The following AMDHD1 variants were observed in gnomAD, a reference collection of about 807,000 sequenced individuals.
AMDHD1 encodes the protein probable imidazolonepropionase.
Under a neutral mutation model 44.1 loss-of-function variants are expected in AMDHD1, and 45 were observed. The ratio of observed to expected loss-of-function variants is 1.02; its 90% confidence interval spans 0.80 to 1.31. The LOEUF (loss-of-function observed/expected upper bound fraction) is 1.31, where lower values mean the gene tolerates loss of function less well. Ranked by LOEUF, AMDHD1 falls within the 50% of genes most tolerant of loss-of-function variation. AMDHD1 has a pLI of 0.00. For missense variants in AMDHD1, 586 were observed against 552.1 expected (o/e 1.06, Z -0.61); for synonymous variants, 206 against 205.0 (o/e 1.00, Z -0.04).
chr12:95,966,643 A>G, intron 8 of AMDHD1, 135 bp downstream of exon 8: 1 of 1,155,772 alleles, frequency 8.7e-7, no homozygotes. Flanking sequence ...CTCTATCTTG[A>G]TCCCTTTCCA....
intron 6 of AMDHD1, among the ~76,000 whole-genome samples, chr12:95,962,942 G>A (rs1200461873): frequency 6.6e-6 from 1 of 152,080 alleles, no homozygotes; most frequent in African/African-American, 2.4e-5. Flanking sequence ...AAATCCTGGG[G>A]GTGGGAGGAA....
intron 1 of AMDHD1, 145 bp from the exon 2 acceptor site, chr12:95,952,572 C>A (rs2080529889): frequency 3.4e-6 from 2 of 580,422 alleles, no homozygotes; most frequent in Non-Finnish European, 3.0e-6. Context: ...GCTAGAGACG[C>A]TTTTCCAGAC....
In AMDHD1 at chr12:95,954,977, T is replaced by G; in HGVS notation, c.309+2T>G. The G allele has an allele frequency of 6.2e-7, 1 of 1,613,966 alleles. No homozygotes were observed. The highest frequency in any genetic ancestry group is 1.1e-5 in the South Asian group (1 of 91,066). On this transcript the variant is annotated splice_donor_variant, in intron 3 of 8. Coordinates refer to ENST00000266736, the MANE Select transcript of AMDHD1 (RefSeq NM_152435.3). LOFTEE classifies it high-confidence loss of function. ...AGAGTTCACGAATTTGCAATGAAGGTAACTGCAACAAATCATGGCAAATCA... is the reference window on the plus strand; with the variant it reads ...AGAGTTCACGAATTTGCAATGAAGGGAACTGCAACAAATCATGGCAAATCA...
chr12:95,945,186 A>G (rs1368979067), intron 1 of AMDHD1, among the ~76,000 whole-genome samples: 1 of 152,174 alleles, frequency 6.6e-6, no homozygotes, highest in Non-Finnish European at 1.5e-5. Flanking sequence ...ACCAACATGA[A>G]GTCCTGGGTT....
At chr12:95,964,928 CAAAAAAAAAA>C (rs60076877) in intron 6 of AMDHD1, among the ~76,000 whole-genome samples, 9 of 35,830 alleles carry the variant, frequency 2.5e-4, no homozygotes, top group South Asian at 1.4e-3. Flanking sequence ...ATGTTTGAGG[CAAAAAAAAAA>C]AAAAAAAAAA....
rs778040380 is a variant in AMDHD1, at chr12:95,956,974, C to T, written c.587+12C>T. 3 of 1,611,472 alleles carry T rather than the reference C, an allele frequency of 1.9e-6. No individual in the cohort carries two copies. Among genetic ancestry groups the T allele is most frequent in the East Asian group, 2.2e-5 (1 of 44,876 alleles). ...CATTCAGTGCCTAAGTAATCTCAGCCAGTGGGGGCCCGGGTTTAACTCAGA... is the reference window on the plus strand; with the variant it reads ...CATTCAGTGCCTAAGTAATCTCAGCTAGTGGGGGCCCGGGTTTAACTCAGA... On this transcript the variant is annotated intron_variant, in intron 4 of 8. Coordinates refer to ENST00000266736, the MANE Select transcript of AMDHD1 (RefSeq NM_152435.3).
At chr12:95,954,335 T>G (rs1198080346) in intron 2 of AMDHD1, among the ~76,000 whole-genome samples, 1 of 152,052 alleles carries the variant, frequency 6.6e-6, no homozygotes, top group Admixed American at 6.6e-5. Context: ...TTTGGGAGGC[T>G]GAGTCAGGCA....
At chr12:95,944,613 C>T (rs1264820930) in intron 1 of AMDHD1, among the ~76,000 whole-genome samples, 1 of 152,002 alleles carries the variant, frequency 6.6e-6, no homozygotes, top group Non-Finnish European at 1.5e-5. Flanking sequence ...GACAATGTCT[C>T]ACTGTGTTGC....
At chr12:95,944,547 G>A (rs956405889) in intron 1 of AMDHD1, among the ~76,000 whole-genome samples, 11 of 151,668 alleles carry the variant, frequency 7.3e-5, no homozygotes, top group African/African-American at 1.2e-4. Flanking sequence ...TTGACAAGCA[G>A]CTGGGACTAC....
chr12:95,959,259 T>C (rs759151240), intron 4 of AMDHD1, among the ~76,000 whole-genome samples: 2 of 152,152 alleles, frequency 1.3e-5, no homozygotes, highest in Non-Finnish European at 2.9e-5. Flanking sequence ...TGGATTCCCA[T>C]TGGTAAAGCC....
At chr12:95,963,729 GA>G (rs1173915368) in intron 6 of AMDHD1, among the ~76,000 whole-genome samples, 2 of 151,548 alleles carry the variant, frequency 1.3e-5, no homozygotes, top group African/African-American at 4.8e-5. Context: ...TATTTTTTTG[GA>G]AAGAAAAGGC....
intron 1 of AMDHD1, among the ~76,000 whole-genome samples, chr12:95,951,381 TC>T (rs1247783340): frequency 6.6e-6 from 1 of 152,184 alleles, no homozygotes; most frequent in Admixed American, 6.5e-5. Context: ...TAACATAATG[TC>T]CTCCAGTTCT....
chr12:95,951,385 C>T (rs2080525246), intron 1 of AMDHD1, among the ~76,000 whole-genome samples: 1 of 152,194 alleles, frequency 6.6e-6, no homozygotes, highest in East Asian at 1.9e-4. Context: ...ATAATGTCCT[C>T]CAGTTCTATC....
Position 95,960,621 on chromosome 12 carries a change from G to T in AMDHD1, c.811G>T (p.Glu271Ter). 2 of 1,612,340 alleles carry T rather than the reference G, an allele frequency of 1.2e-6. No homozygotes were observed. The highest frequency in any genetic ancestry group is 1.7e-6 in the Non-Finnish European group (2 of 1,178,690). ...GDELHPMKAA[E>*]LGAELGAQAI... ...TGAACTCCACCCGATGAAGGCTGCTGAGGTGTGGTTGACTTTTAGTTTTTC... is the reference window on the plus strand; with the variant it reads ...TGAACTCCACCCGATGAAGGCTGCTTAGGTGTGGTTGACTTTTAGTTTTTC... Residue 271 changes from glutamate to a stop codon, truncating the protein, a stop_gained and splice_region_variant, in exon 5 of 9, where the codon GAG becomes TAG. Coordinates refer to ENST00000266736, the MANE Select transcript of AMDHD1 (RefSeq NM_152435.3). LOFTEE classifies it high-confidence loss of function.
At position 95,952,762 on chromosome 12, in the gene AMDHD1, A is replaced by G. The variant is rs546050439; in HGVS notation, c.183A>G (p.Arg61=). 1 of 1,613,144 alleles carries G rather than the reference A, an allele frequency of 6.2e-7. No individual in the cohort carries two copies. Among genetic ancestry groups the G allele is most frequent in the South Asian group, 1.1e-5 (1 of 91,046 alleles). ...TTGGTCCTGCTGATGTTATTCAAAGACAGTTTTCTGGAGAAACTTTTGAAG... is the reference window on the plus strand; with the variant it reads ...TTGGTCCTGCTGATGTTATTCAAAGGCAGTTTTCTGGAGAAACTTTTGAAG... ...KAIGPADVIQ[R]QFSGETFEEI... The change falls in exon 2 of 9, where the codon AGA becomes AGG. Residue 61 remains arginine (R), a synonymous_variant. Transcript: ENST00000266736.
intron 6 of AMDHD1, among the ~76,000 whole-genome samples, chr12:95,963,295 G>A (rs1297397330): frequency 6.6e-6 from 1 of 152,140 alleles, no homozygotes; most frequent in African/African-American, 2.4e-5. Flanking sequence ...GCAATGTCTC[G>A]AGACATTTCT....
intron 6 of AMDHD1, among the ~76,000 whole-genome samples, chr12:95,965,110 C>A (rs888400406): frequency 6.6e-6 from 1 of 151,712 alleles, no homozygotes; most frequent in Non-Finnish European, 1.5e-5. Context: ...ACCAGCCTGG[C>A]CACCATGGTG....
Position 95,956,715 on chromosome 12 carries a change from C to G in AMDHD1, c.340C>G (p.Gln114Glu), listed in dbSNP as rs145626384. Reference protein sequence around the residue: ...LAGATYMEIHQAGGGIHFTVE... With the variant: ...LAGATYMEIHEAGGGIHFTVE... Reference sequence around the variant, plus strand: ...AGGAGCCACCTACATGGAAATTCACCAGGCCGGAGGAGGGATCCACTTTAC... The same window carrying G: ...AGGAGCCACCTACATGGAAATTCACGAGGCCGGAGGAGGGATCCACTTTAC... Residue 114 changes from glutamine to glutamate, a missense_variant, in exon 4 of 9, where the codon CAG (glutamine) becomes GAG (glutamate). Coordinates refer to ENST00000266736, the MANE Select transcript of AMDHD1 (RefSeq NM_152435.3). 3.5e-5 allele frequency: 57 copies of G among 1,614,112 alleles called. No homozygotes were observed. In the African/African-American group the frequency reaches 6.9e-4, roughly 20 times the overall value.
At chr12:95,957,826 G>C (rs866725960) in intron 4 of AMDHD1, among the ~76,000 whole-genome samples, 2 of 152,204 alleles carry the variant, frequency 1.3e-5, no homozygotes, top group Non-Finnish European at 2.9e-5. Flanking sequence ...GCCAAGGCAG[G>C]TGGATCGCTT....
Sources: allele counts gnomAD v4.1 joint callset (sites outside exome capture counted in the v4.1 genomes callset), GRCh38; gene constraint gnomAD v4.1.1; transcripts MANE v1.5; gene names NCBI Gene and HGNC (gene_info 2026-07-23, HGNC 2026-07-21).